Variants in TANGO6 observed in about 807,000 individuals in gnomAD.
TANGO6 encodes transport and golgi organization 6 homolog, also known as transport and Golgi organization protein 6 homolog.
In TANGO6, 90 loss-of-function variants were observed where a neutral mutation model predicts 114.2. The ratio of observed to expected loss-of-function variants is 0.79; its 90% CI spans 0.66 to 0.94. TANGO6 has a LOEUF of 0.94. Among genes scored for constraint, TANGO6 ranks in the 40% least tolerant of loss-of-function variants. The pLI is 0.00. For synonymous variants in TANGO6, 477 were observed against 509.8 expected (o/e 0.94, Z 0.87); for missense variants, 1,274 against 1,315.3 (o/e 0.97, Z 0.49).
chr16:68,890,384 A>G (rs1347790885), intron 7 of TANGO6, among the ~76,000 whole-genome samples: 2 of 152,246 alleles, frequency 1.3e-5, no homozygotes, highest in African/African-American at 4.8e-5. Flanking sequence ...TACATTATAA[A>G]TGAGAAAATG....
intron 7 of TANGO6, among the ~76,000 whole-genome samples, chr16:68,887,677 G>A (rs1340830575): frequency 1.3e-5 from 2 of 152,144 alleles, no homozygotes; most frequent in African/African-American, 4.8e-5. Context: ...AGGAGGTCGA[G>A]ACCAGCCTGG....
At chr16:68,933,690 G>A (rs1963269911) in intron 14 of TANGO6, 1 of 152,196 alleles carries the variant, frequency 6.6e-6, no homozygotes, top group African/African-American at 2.4e-5. Context: ...GCCTGACTCG[G>A]AGCAGACATC....
intron 14 of TANGO6, among the ~76,000 whole-genome samples, chr16:68,963,536 C>T (rs1963615257): frequency 6.6e-6 from 1 of 152,200 alleles, no homozygotes; most frequent in African/African-American, 2.4e-5. Flanking sequence ...AGTGCTTACA[C>T]AGACCTCTCT....
intron 17 of TANGO6, among the ~76,000 whole-genome samples, chr16:69,054,848 G>A (rs950359721): frequency 8.6e-5 from 13 of 150,758 alleles, no homozygotes; most frequent in African/African-American, 2.9e-4. Flanking sequence ...GCCTGAGGCA[G>A]GAGAATGGCG....
At chr16:68,991,761 G>A (rs1204422851) in intron 15 of TANGO6, among the ~76,000 whole-genome samples, 1 of 152,214 alleles carries the variant, frequency 6.6e-6, no homozygotes, top group African/African-American at 2.4e-5. Flanking sequence ...GGAGGCAGAG[G>A]TTGCAGTGAG....
At chr16:69,038,758 G>A (rs140070697) in intron 16 of TANGO6, among the ~76,000 whole-genome samples, 239 of 152,098 alleles carry the variant, frequency 1.6e-3, no homozygotes, top group Middle Eastern at 3.4e-3. Flanking sequence ...GTAATTGAGC[G>A]CTGGCCAGGC....
intron 17 of TANGO6, among the ~76,000 whole-genome samples, chr16:69,075,207 G>C (rs1269510488): frequency 6.8e-6 from 1 of 147,802 alleles, no homozygotes. Context: ...TGGGGTCTAA[G>C]TCTCTCTCTC....
At chr16:68,989,623 C>A (rs968234369) in intron 15 of TANGO6, among the ~76,000 whole-genome samples, 1 of 152,118 alleles carries the variant, frequency 6.6e-6, no homozygotes, top group African/African-American at 2.4e-5. Flanking sequence ...TGTTGATTGT[C>A]TTTTTCCTTG....
chr16:68,923,884 C>G (rs996160452), intron 12 of TANGO6, among the ~76,000 whole-genome samples: 1 of 152,194 alleles, frequency 6.6e-6, no homozygotes, highest in African/African-American at 2.4e-5. Context: ...AAACACTGCC[C>G]TCACCCATAG....
chr16:68,977,706 A>T (rs1963778041), intron 15 of TANGO6, among the ~76,000 whole-genome samples: 1 of 151,326 alleles, frequency 6.6e-6, no homozygotes. Flanking sequence ...CCGTCTCAAA[A>T]AAAAAAAGAG....
At chr16:68,997,606 C>T (rs534151802) in intron 15 of TANGO6, among the ~76,000 whole-genome samples, 2 of 152,264 alleles carry the variant, frequency 1.3e-5, no homozygotes, top group African/African-American at 2.4e-5. Context: ...GGGTTTTAGC[C>T]GGCTTCTTTA....
intron 14 of TANGO6, among the ~76,000 whole-genome samples, chr16:68,973,648 T>G (rs572598432): frequency 6.6e-6 from 1 of 152,350 alleles, no homozygotes; most frequent in Non-Finnish European, 1.5e-5. Context: ...GATCTAATAT[T>G]GATCATGTCC....
chr16:69,050,130 G>T, intron 17 of TANGO6, among the ~76,000 whole-genome samples: 1 of 152,080 alleles, frequency 6.6e-6, no homozygotes, highest in East Asian at 1.9e-4. Flanking sequence ...GTAATTCTGT[G>T]TTTAACTTTT....
intron 14 of TANGO6, among the ~76,000 whole-genome samples, chr16:68,953,482 G>C (rs1963494669): frequency 6.6e-6 from 1 of 152,154 alleles, no homozygotes; most frequent in African/African-American, 2.4e-5. Flanking sequence ...TTTACAGTTG[G>C]AGAAGAGCAA....
intron 17 of TANGO6, among the ~76,000 whole-genome samples, chr16:69,064,094 C>T (rs1185117776): frequency 6.6e-6 from 1 of 152,064 alleles, no homozygotes; most frequent in Non-Finnish European, 1.5e-5. Flanking sequence ...GCCTCGGCCT[C>T]CCAAAGTGCT....
intron 1 of TANGO6, among the ~76,000 whole-genome samples, chr16:68,848,782 G>T (rs1389712398): frequency 6.6e-6 from 1 of 152,058 alleles, no homozygotes; most frequent in Non-Finnish European, 1.5e-5. Context: ...ATGAATCATA[G>T]ATTTTATGTA....
intron 3 of TANGO6, among the ~76,000 whole-genome samples, chr16:68,863,488 C>A (rs1376433734): frequency 6.6e-6 from 1 of 152,002 alleles, no homozygotes; most frequent in Non-Finnish European, 1.5e-5. Context: ...TGCATGCCTG[C>A]AATCCCAGCT....
intron 14 of TANGO6, among the ~76,000 whole-genome samples, chr16:68,956,252 A>G (rs1375095214): frequency 6.6e-6 from 1 of 152,226 alleles, no homozygotes; most frequent in Non-Finnish European, 1.5e-5. Flanking sequence ...GGAATAACCA[A>G]GCCAGCATCT....
intron 12 of TANGO6, among the ~76,000 whole-genome samples, chr16:68,926,339 A>G (rs1427477166): frequency 4.6e-5 from 7 of 151,428 alleles, no homozygotes; most frequent in Non-Finnish European, 2.9e-5. Flanking sequence ...ACTAAACTAT[A>G]AAAAATTAGC....
Sources: gnomAD v4.1 joint callset for allele counts (sites outside exome capture counted in the v4.1 genomes callset) on GRCh38, gnomAD v4.1.1 for gene constraint, MANE v1.5 for transcripts, NCBI Gene and HGNC (gene_info 2026-07-23, HGNC 2026-07-21) for gene names.